The following TIMP2 variants were observed in gnomAD, a reference collection of about 807,000 sequenced individuals.
TIMP2 encodes TIMP metallopeptidase inhibitor 2, also known as metalloproteinase inhibitor 2.
TIMP2 carries 5 observed loss-of-function variants against 24.3 expected under a neutral mutation model. The ratio of observed to expected loss-of-function variants is 0.21; its 90% confidence interval spans 0.11 to 0.43. TIMP2 has a LOEUF of 0.43. TIMP2 is among the 20% of genes least tolerant of loss of function. TIMP2 has a pLI of 1.00. For missense variants in TIMP2, 221 were observed against 297.5 expected, an observed-to-expected ratio of 0.74 and a Z score of 1.89; for synonymous variants, 130 against 123.2, an observed-to-expected ratio of 1.06 and a Z score of -0.37.
intron 1 of TIMP2, among the ~76,000 whole-genome samples, chr17:78,905,441 G>A (rs952601608): frequency 6.6e-6 from 1 of 152,224 alleles, no homozygotes; most frequent in Non-Finnish European, 1.5e-5. Flanking sequence ...CGGACCCATA[G>A]ATACAAAATC....
intron 1 of TIMP2, among the ~76,000 whole-genome samples, chr17:78,919,722 C>G (rs111512974): frequency 0.076 from 11,503 of 152,138 alleles, 1,425 homozygotes; most frequent in African/African-American, 0.26. Flanking sequence ...GTAGTCCCAG[C>G]TACTCGGGAG....
At position 78,871,001 on chromosome 17, in the gene TIMP2, G is replaced by A; in HGVS notation, c.237C>T (p.Phe79=). 6.2e-7 allele frequency: 1 copy of A among 1,611,428 alleles called. No homozygotes were observed. Among genetic ancestry groups the A allele is most frequent in the African/African-American group, 1.3e-5 (1 of 74,938 alleles). ...IQYEIKQIKM[F]KGPEKDIEFI... is the part of the protein sequence containing the mutation. ...ACTCTATATCCTTCTCAGGCCCTTT[G>A]AACATCTGGAAAGACAAGGAGGAGG... The change falls in exon 3 of 5, where the codon TTC becomes TTT. Residue 79 remains phenylalanine, a synonymous_variant. Transcript: ENST00000262768.
chr17:78,858,631 C>T (rs928253686), intron 3 of TIMP2, among the ~76,000 whole-genome samples: 2 of 152,144 alleles, frequency 1.3e-5, no homozygotes, highest in Admixed American at 6.6e-5. Context: ...AGCGATCCTC[C>T]CGTCTCAGTC....
intron 4 of TIMP2, 63 bp downstream of exon 4, chr17:78,857,459 C>T (rs766261531): frequency 5.0e-6 from 8 of 1,606,904 alleles, no homozygotes; most frequent in African/African-American, 2.7e-5. Context: ...GATCAAAATC[C>T]CTGCCGTCCA....
At chr17:78,923,148 T>A (rs896084407) in intron 1 of TIMP2, among the ~76,000 whole-genome samples, 2 of 151,980 alleles carry the variant, frequency 1.3e-5, no homozygotes, top group Admixed American at 1.3e-4. Context: ...AAGTTTTAGC[T>A]ACAGGATGAT....
In TIMP2 at chr17:78,925,049, G is replaced by A. The variant is rs1397601455; in HGVS notation, c.40C>T (p.Leu14Phe). 1.7e-6 allele frequency: 2 copies of A among 1,206,602 alleles called. No homozygotes were observed. The highest frequency in any genetic ancestry group is 2.1e-6 in the Non-Finnish European group (2 of 967,758). The allele number at this position is 1,206,602 out of a possible 1,614,324, so 74.7% of individuals were successfully genotyped here. ...AARTLRLALG[L>F]LLLATLLRPA... ...CGAAGCAGCGTCGCCAGCAGCAGGA[G>A]GCCGAGCGCCAGCCGCAGGGTGCGG... Residue 14 changes from leucine to phenylalanine, a missense_variant, in exon 1 of 5, where the codon CTC becomes TTC. Transcript: ENST00000262768.
At chr17:78,859,157 T>G (rs571136340) in intron 3 of TIMP2, among the ~76,000 whole-genome samples, 1 of 152,346 alleles carries the variant, frequency 6.6e-6, no homozygotes, top group East Asian at 1.9e-4. Context: ...TTTTTGAAAA[T>G]TAGGAATCTG....
At chr17:78,882,788 G>A (rs931953306) in intron 1 of TIMP2, among the ~76,000 whole-genome samples, 2 of 152,260 alleles carry the variant, frequency 1.3e-5, no homozygotes, top group Non-Finnish European at 1.5e-5. Flanking sequence ...CACGGGGCAA[G>A]GCTGAGCAGC....
intron 1 of TIMP2, among the ~76,000 whole-genome samples, chr17:78,874,685 C>T (rs767263279): frequency 1.8e-4 from 27 of 152,138 alleles, no homozygotes; most frequent in Non-Finnish European, 3.2e-4. Context: ...TCAAGTGATT[C>T]TCCTGCCTCA....
rs537866324 is a variant in TIMP2 at position 78,899,496 on chromosome 17, C to T, written c.130+25463G>A. ...TCCTGGGCCTCACCCCTGACAGATC[C>T]TATCCCAGCCCCTGCGGGAGGGGCC... On this transcript the variant is annotated intron_variant, in intron 1 of 4. Coordinates refer to ENST00000262768, the MANE Select transcript of TIMP2 (RefSeq NM_003255.5). The T allele has an allele frequency of 2.0e-5, 3 of 152,364 alleles. No individual in the cohort carries two copies. In the South Asian group the frequency reaches 6.2e-4, roughly 32 times the overall value. 9.4% of individuals were successfully genotyped at this position (152,364 alleles called of 1,614,324 possible). A position where few individuals can be genotyped will look rare whatever the true frequency, so the allele number is the denominator to read the frequency against.
At chr17:78,889,303 A>G (rs1302612670) in intron 1 of TIMP2, among the ~76,000 whole-genome samples, 1 of 152,204 alleles carries the variant, frequency 6.6e-6, no homozygotes, top group African/African-American at 2.4e-5. Context: ...TCAGTGGCAA[A>G]GCTAGCGGGG....
intron 1 of TIMP2, among the ~76,000 whole-genome samples, chr17:78,909,048 G>A (rs1341481210): frequency 1.3e-5 from 2 of 152,114 alleles, no homozygotes. Context: ...CTAAGCCTTT[G>A]CCCCAAAACA....
chr17:78,916,595 G>A (rs1234891127), intron 1 of TIMP2, among the ~76,000 whole-genome samples: 1 of 152,080 alleles, frequency 6.6e-6, no homozygotes, highest in East Asian at 1.9e-4. Context: ...CCATCTCCTG[G>A]GTCTTCCCCA....
At chr17:78,885,342 G>C (rs562249516) in intron 1 of TIMP2, among the ~76,000 whole-genome samples, 1 of 152,322 alleles carries the variant, frequency 6.6e-6, no homozygotes, top group Non-Finnish European at 1.5e-5. Context: ...TTCGGAGCAG[G>C]AGAACCGTGC....
At chr17:78,893,273 AG>A (rs2069938144) in intron 1 of TIMP2, among the ~76,000 whole-genome samples, 2 of 74,906 alleles carry the variant, frequency 2.7e-5, no homozygotes, top group East Asian at 8.3e-4. Flanking sequence ...GTGTGTGTGT[AG>A]GGGTGTGCGG....
At chr17:78,916,908 T>C (rs2070263525) in intron 1 of TIMP2, among the ~76,000 whole-genome samples, 1 of 152,152 alleles carries the variant, frequency 6.6e-6, no homozygotes, top group Non-Finnish European at 1.5e-5. Flanking sequence ...TTAGCTCTGA[T>C]AAGATCCACC....
At chr17:78,905,619 C>T (rs868226879) in intron 1 of TIMP2, among the ~76,000 whole-genome samples, 22 of 152,228 alleles carry the variant, frequency 1.4e-4, no homozygotes, top group Admixed American at 1.0e-3. Context: ...ATGTCCAGCA[C>T]GACTGCCAAG....
chr17:78,869,490 A>G (rs898239633), intron 3 of TIMP2, among the ~76,000 whole-genome samples: 3 of 151,866 alleles, frequency 2.0e-5, no homozygotes, highest in Admixed American at 6.6e-5. Context: ...CATTCATACA[A>G]TGAAATATTA....
chr17:78,921,706 G>C (rs1257165800), intron 1 of TIMP2, among the ~76,000 whole-genome samples: 5 of 152,212 alleles, frequency 3.3e-5, no homozygotes, highest in African/African-American at 1.2e-4. Context: ...GTTTGTGCTG[G>C]CCTTGCTGGA....
Sources: allele counts gnomAD v4.1 joint callset (sites outside exome capture counted in the v4.1 genomes callset), GRCh38; gene constraint gnomAD v4.1.1; transcripts MANE v1.5; gene names NCBI Gene and HGNC (gene_info 2026-07-23, HGNC 2026-07-21).